CTIF: variants seen among roughly 807,000 people sequenced by gnomAD.
CTIF encodes cap binding complex dependent translation initiation factor.
A neutral mutation model predicts 66.0 loss-of-function variants in CTIF; 21 were observed. That is an observed-to-expected ratio of 0.32 (90% CI 0.23 to 0.46). The LOEUF (loss-of-function observed/expected upper bound fraction) is 0.46. CTIF is among the 20% of genes least tolerant of loss of function. CTIF has a pLI of 1.00. For missense variants in CTIF, 739 were observed against 812.7 expected (o/e 0.91, Z 1.10); for synonymous variants, 345 against 326.4 (o/e 1.06, Z -0.62).
intron 9 of CTIF, among the ~76,000 whole-genome samples, chr18:48,810,268 A>C (rs192349215): frequency 6.6e-6 from 1 of 152,210 alleles, no homozygotes; most frequent in African/African-American, 2.4e-5. Flanking sequence ...TGGCTACCAT[A>C]TTGGATAACA....
chr18:48,756,618 A>G (rs1233428130), intron 7 of CTIF, among the ~76,000 whole-genome samples: 3 of 152,218 alleles, frequency 2.0e-5, no homozygotes, highest in African/African-American at 7.2e-5. Context: ...TGCAGAATTC[A>G]TGCTTATCTT....
chr18:48,731,233 C>G (rs994158095), intron 7 of CTIF, among the ~76,000 whole-genome samples: 1 of 152,144 alleles, frequency 6.6e-6, no homozygotes, highest in Admixed American at 6.5e-5. Flanking sequence ...AGCACCTTCT[C>G]TCAAAAGCTC....
chr18:48,604,540 G>T (rs2090169204), intron 1 of CTIF, among the ~76,000 whole-genome samples: 1 of 152,016 alleles, frequency 6.6e-6, no homozygotes, highest in South Asian at 2.1e-4. Flanking sequence ...AACAACTATG[G>T]TTTTTTTGGA....
intron 6 of CTIF, 132 bp downstream of exon 6, chr18:48,670,876 T>C: frequency 1.4e-6 from 1 of 715,802 alleles, no homozygotes; most frequent in Non-Finnish European, 2.4e-6. Flanking sequence ...GCCTGTATGG[T>C]AGTAATAGGC....
At chr18:48,730,367 CCCTGCGGTGTGAGGGGCT>C (rs1568171243) in intron 7 of CTIF, among the ~76,000 whole-genome samples, 1 of 72,158 alleles carries the variant, frequency 1.4e-5, no homozygotes, top group African/African-American at 4.5e-5. Context: ...TGTGAGGGGC[CCCTGCGGTGTGAGGGGCT>C]CCTGCTGTGT....
At chr18:48,563,596 T>A (rs920561343) in intron 1 of CTIF, among the ~76,000 whole-genome samples, 2 of 152,216 alleles carry the variant, frequency 1.3e-5, no homozygotes, top group African/African-American at 4.8e-5. Flanking sequence ...CTCAGTCTCC[T>A]GAATAGCTGG....
At chr18:48,573,484 A>T (rs1383221028) in intron 1 of CTIF, among the ~76,000 whole-genome samples, 3 of 152,252 alleles carry the variant, frequency 2.0e-5, no homozygotes, top group Non-Finnish European at 4.4e-5. Flanking sequence ...TGTTGCACTG[A>T]TGTACAGTGT....
intron 6 of CTIF, among the ~76,000 whole-genome samples, chr18:48,695,777 C>T (rs184381992): frequency 2.0e-4 from 31 of 152,320 alleles, no homozygotes; most frequent in Non-Finnish European, 3.4e-4. Context: ...CCTTCTATGG[C>T]GAGGAGACTT....
At chr18:48,728,750 G>GAGAGAGAGAGAGAGAGAGAAGGAA in intron 7 of CTIF, among the ~76,000 whole-genome samples, 1 of 151,884 alleles carries the variant, frequency 6.6e-6, no homozygotes, top group African/African-American at 2.4e-5. Context: ...GAGAGAGAGA[G>GAGAGAGAGAGAGAGAGAGAAGGAA]AGAGAGAGAG....
chr18:48,622,767 C>T (rs936701212), intron 2 of CTIF, among the ~76,000 whole-genome samples: 10 of 152,156 alleles, frequency 6.6e-5, no homozygotes, highest in East Asian at 1.9e-4. Flanking sequence ...CTTTTGCAGT[C>T]CCCTGGAAGC....
At chr18:48,626,303 A>G (rs1292145919) in intron 2 of CTIF, among the ~76,000 whole-genome samples, 2 of 148,328 alleles carry the variant, frequency 1.3e-5, no homozygotes, top group Non-Finnish European at 3.0e-5. Flanking sequence ...GCCCGGCCAC[A>G]TTGTCTTTAT....
chr18:48,578,015 T>A (rs1419460455), intron 1 of CTIF, among the ~76,000 whole-genome samples: 1 of 152,260 alleles, frequency 6.6e-6, no homozygotes, highest in Non-Finnish European at 1.5e-5. Context: ...CAACCACTTA[T>A]GTGCTTTCTC....
intron 10 of CTIF, among the ~76,000 whole-genome samples, chr18:48,831,509 G>A (rs1025268154): frequency 5.3e-5 from 8 of 152,230 alleles, no homozygotes; most frequent in East Asian, 3.9e-4. Flanking sequence ...CATGAGGAAC[G>A]GAGGAAGTTA....
chr18:48,794,162 C>A (rs998130244), intron 9 of CTIF, among the ~76,000 whole-genome samples: 1 of 152,196 alleles, frequency 6.6e-6, no homozygotes, highest in African/African-American at 2.4e-5. Context: ...CCATTCTAGC[C>A]CCCAGCTTGG....
chr18:48,772,177 G>A (rs1910207117), intron 9 of CTIF, among the ~76,000 whole-genome samples: 1 of 152,198 alleles, frequency 6.6e-6, no homozygotes, highest in Non-Finnish European at 1.5e-5. Context: ...AAATGCTTAA[G>A]GAGCTCAGAG....
chr18:48,738,539 C>CG (rs1329631183), intron 7 of CTIF, among the ~76,000 whole-genome samples: 2 of 151,982 alleles, frequency 1.3e-5, no homozygotes, highest in Non-Finnish European at 2.9e-5. Flanking sequence ...GGCTGTTCCC[C>CG]CTCCCCGGAT....
intron 10 of CTIF, among the ~76,000 whole-genome samples, chr18:48,840,294 T>C (rs1057424601): frequency 2.0e-5 from 3 of 152,132 alleles, no homozygotes; most frequent in Non-Finnish European, 4.4e-5. Flanking sequence ...GGGAAGACTG[T>C]AGGGCCCAGA....
chr18:48,806,213 C>T (rs1320237460), intron 9 of CTIF, among the ~76,000 whole-genome samples: 1 of 152,168 alleles, frequency 6.6e-6, no homozygotes, highest in Non-Finnish European at 1.5e-5. Context: ...AATTAGTTTC[C>T]TCTTTTCAGT....
intron 9 of CTIF, among the ~76,000 whole-genome samples, chr18:48,808,901 A>C (rs1437215435): frequency 6.6e-6 from 1 of 152,092 alleles, no homozygotes; most frequent in Non-Finnish European, 1.5e-5. Flanking sequence ...TCAAGTCTTC[A>C]TTTCCTTTTC....
Sources: gnomAD v4.1 joint callset for allele counts (sites outside exome capture counted in the v4.1 genomes callset) on GRCh38, gnomAD v4.1.1 for gene constraint, MANE v1.5 for transcripts, NCBI Gene and HGNC (gene_info 2026-07-23, HGNC 2026-07-21) for gene names.